CEP95: variants seen among roughly 807,000 people sequenced by gnomAD.
CEP95 encodes centrosomal protein of 95 kDa.
In CEP95, 98 loss-of-function variants were observed where a neutral mutation model predicts 111.2. That is an observed-to-expected ratio of 0.88 (90% CI 0.75 to 1.04). The LOEUF (loss-of-function observed/expected upper bound fraction) is 1.04, where lower values mean the gene tolerates loss of function less well. Ranked by LOEUF, CEP95 falls within the 50% of genes least tolerant of loss-of-function variation. CEP95 has a pLI of 0.00. For synonymous variants in CEP95, 323 were observed against 327.1 expected (o/e 0.99, Z 0.14); for missense variants, 1,027 against 977.2 (o/e 1.05, Z -0.68).
intron 12 of CEP95, 43 bp downstream of exon 12, chr17:64,529,470 C>G: frequency 1.9e-6 from 3 of 1,597,278 alleles, no homozygotes; most frequent in Non-Finnish European, 1.7e-6. Flanking sequence ...GCAGCCAGTA[C>G]CATTTCCCCT....
chr17:64,532,286 G>A, intron 14 of CEP95: 1 of 1,184,228 alleles, frequency 8.4e-7, no homozygotes, highest in Non-Finnish European at 1.0e-6. Context: ...TCACTCGTGT[G>A]CTTACTCACT....
chr17:64,531,506 G>A (rs868991541), intron 13 of CEP95, among the ~76,000 whole-genome samples: 18 of 152,092 alleles, frequency 1.2e-4, no homozygotes, highest in African/African-American at 3.1e-4. Flanking sequence ...GTACAGTATG[G>A]TTACAACTAA....
At chr17:64,508,847 GCATATTAAATTCTATATTAATATA>G in intron 2 of CEP95, 127 bp downstream of exon 2, 2 of 241,816 alleles carry the variant, frequency 8.3e-6, no homozygotes, top group Non-Finnish European at 1.5e-5. Flanking sequence ...TTTTAATATT[GCATATTAAATTCTATATTAATATA>G]CAATATTAAA....
intron 17 of CEP95, chr17:64,534,967 C>T: frequency 4.1e-6 from 2 of 492,168 alleles, no homozygotes; most frequent in South Asian, 4.0e-5. Flanking sequence ...AGTCTTACTT[C>T]CTCCCTGCCT....
At position 64,522,767 on chromosome 17, in the gene CEP95, A is replaced by G. The variant is rs781792125; in HGVS notation, c.781A>G (p.Ile261Val). The change falls in exon 8 of 20, where the codon ATT becomes GTT. Residue 261 changes from isoleucine to valine, a missense_variant. By Grantham distance (29) the Ile-to-Val change is conservative. Coordinates refer to ENST00000556440, the MANE Select transcript of CEP95 (RefSeq NM_138363.3). ...GCTAGGGGAGCCTATCCGAGCAGCTATTCCTTTACATCCACCCTACCACCC... is the reference window on the plus strand; with the variant it reads ...GCTAGGGGAGCCTATCCGAGCAGCTGTTCCTTTACATCCACCCTACCACCC... ...RKLGEPIRAA[I>V]PLHPPYHPSE... 17 of 1,613,748 alleles carry G rather than the reference A, an allele frequency of 1.1e-5. No individual in the cohort carries two copies. Among genetic ancestry groups the G allele is most frequent in the Admixed American group, 1.7e-5 (1 of 59,988 alleles).
intron 1 of CEP95, chr17:64,507,904 A>G: frequency 3.0e-6 from 3 of 985,430 alleles, no homozygotes; most frequent in Non-Finnish European, 3.6e-6. Context: ...AGAAACCGTT[A>G]AACTTTGCAA....
intron 17 of CEP95, 123 bp downstream of exon 17, chr17:64,534,860 G>T: frequency 8.7e-7 from 1 of 1,148,998 alleles, no homozygotes; most frequent in Non-Finnish European, 1.3e-6. Flanking sequence ...AAGTCCTATA[G>T]TGCTGGCCCT....
Position 64,521,422 on chromosome 17 carries a change from A to G in CEP95, c.610A>G (p.Met204Val). The G allele has an allele frequency of 6.2e-7, 1 of 1,611,350 alleles. No individual in the cohort carries two copies. The highest frequency in any genetic ancestry group is 8.5e-7 in the Non-Finnish European group (1 of 1,177,894). Residue 204 changes from methionine (M) to valine (V), a missense_variant, in exon 7 of 20, where the codon ATG (methionine) becomes GTG (valine). Physicochemically the swap from Met to Val is conservative, Grantham distance 21 (BLOSUM62 1). Coordinates refer to ENST00000556440, the MANE Select transcript of CEP95 (RefSeq NM_138363.3). The part of the protein sequence containing the change: ...RSNGAQCPNE[M>V]LSKKALASPS... ...CCTAGGTGCTCAATGTCCTAATGAA[A>G]TGCTGTCTAAAAAAGCCTTAGCCTC... is the stretch of plus-strand genomic sequence containing the variant.
At chr17:64,519,881 A>G (rs1331752992) in intron 6 of CEP95, among the ~76,000 whole-genome samples, 1 of 152,226 alleles carries the variant, frequency 6.6e-6, no homozygotes, top group Non-Finnish European at 1.5e-5. Flanking sequence ...AGACCCGGAT[A>G]TCTTTCAAGC....
intron 1 of CEP95, chr17:64,507,332 G>C: frequency 7.0e-7 from 1 of 1,433,046 alleles, no homozygotes; most frequent in Non-Finnish European, 9.2e-7. Context: ...AGAGAGAGAG[G>C]CACTGGGGCG....
intron 4 of CEP95, chr17:64,516,105 A>G (rs1305447479): frequency 6.6e-6 from 1 of 152,340 alleles, no homozygotes; most frequent in African/African-American, 2.4e-5. Flanking sequence ...CTTGGTGAAT[A>G]TGGAAGTAGA....
At chr17:64,515,873 A>G (rs1555676197) in intron 4 of CEP95, 2 of 152,116 alleles carry the variant, frequency 1.3e-5, no homozygotes, top group African/African-American at 4.8e-5. Flanking sequence ...TAGCATTATC[A>G]TTTACCACTG....
At chr17:64,506,885 C>T, upstream of CEP95, 1 of 649,746 alleles carries the variant, frequency 1.5e-6, no homozygotes, top group Non-Finnish European at 2.8e-6. Context: ...TCCCAAACCG[C>T]CCCCGTTTCA....
chr17:64,510,641 C>T (rs149904542), intron 3 of CEP95, among the ~76,000 whole-genome samples: 11 of 152,312 alleles, frequency 7.2e-5, no homozygotes, highest in African/African-American at 2.4e-4. Flanking sequence ...CCTCAACCTC[C>T]CAAGCTCAGG....
In CEP95 at chr17:64,510,184, A is replaced by C. The variant is rs782817741; in HGVS notation, c.160A>C (p.Ile54Leu). The C allele has an allele frequency of 6.2e-7, 1 of 1,602,794 alleles. No homozygotes were observed. The highest frequency in any genetic ancestry group is 1.7e-5 in the Admixed American group (1 of 59,394). The part of the protein sequence containing the change: ...LGEKVPDLIV[I>L]PRSQEDDAHN... ...TTTTCCCCCCCCAGACCTCATAGTT[A>C]TTCCTAGGAGTCAAGAAGATGATGC... The change falls in exon 3 of 20, where the codon ATT (isoleucine) becomes CTT (leucine). Residue 54 changes from isoleucine to leucine, a missense_variant. Ile to Leu is a conservative substitution (Grantham distance 5). Transcript: ENST00000556440.
intron 14 of CEP95, chr17:64,532,554 C>T (rs150304634): frequency 2.0e-5 from 23 of 1,165,208 alleles, no homozygotes; most frequent in Admixed American, 4.4e-5. Flanking sequence ...CTTGTTTTAC[C>T]GTACGTAGAG....
At chr17:64,507,358 T>A in intron 1 of CEP95, 1 of 1,417,426 alleles carries the variant, frequency 7.1e-7, no homozygotes. Flanking sequence ...GGTAGGACAC[T>A]TGGGTCCTGG....
chr17:64,530,033 A>G (rs1555679934), intron 12 of CEP95, among the ~76,000 whole-genome samples: 3 of 152,232 alleles, frequency 2.0e-5, no homozygotes, highest in Admixed American at 6.5e-5. Flanking sequence ...AATGATTGCA[A>G]AAACTTGAGA....
chr17:64,508,651 G>T lies in CEP95; in HGVS notation c.79G>T (p.Glu27Ter), dbSNP rs1555673731. ...FKCHIHLRIH[E>*]LQDCDANVFI... ...GTGTCATATACATCTGAGAATACAT[G>T]AACTTCAAGACTGTGATGCTAATGT... Residue 27 changes from glutamate (E) to a stop codon, truncating the protein, a stop_gained, in exon 2 of 20, where the codon GAA (glutamate) becomes TAA (stop). Transcript: ENST00000556440. LOFTEE classifies it high-confidence loss of function. The T allele has an allele frequency of 2.7e-6, 4 of 1,466,516 alleles. No homozygotes were observed. The highest frequency in any genetic ancestry group is 1.5e-5 in the South Asian group (1 of 64,928). The allele number at this position is 1,466,516 out of a possible 1,614,324, so 90.8% of individuals were successfully genotyped here. A position where few individuals can be genotyped will look rare whatever the true frequency, so the allele number is the denominator to read the frequency against.
Sources: allele counts gnomAD v4.1 joint callset (sites outside exome capture counted in the v4.1 genomes callset), GRCh38; gene constraint gnomAD v4.1.1; transcripts MANE v1.5; gene names NCBI Gene and HGNC (gene_info 2026-07-23, HGNC 2026-07-21).